Variants in CADPS2 observed in about 807,000 individuals in gnomAD.
CADPS2 encodes the protein calcium dependent secretion activator 2.
A neutral mutation model predicts 172.5 loss-of-function variants in CADPS2; 93 were observed. The observed-to-expected ratio is 0.54, with a 90% CI of 0.46 to 0.64. CADPS2 has a LOEUF of 0.64. CADPS2 is among the 30% of genes least tolerant of loss of function. The pLI, the probability that CADPS2 is intolerant of heterozygous loss-of-function variation, is 0.00. For missense variants in CADPS2, 1,420 were observed against 1,565.9 expected, an observed-to-expected ratio of 0.91 and a Z score of 1.57; for synonymous variants, 546 against 555.2, an observed-to-expected ratio of 0.98 and a Z score of 0.23.
chr7:122,540,311 T>C (rs2062785216), intron 8 of CADPS2, among the ~76,000 whole-genome samples: 1 of 152,132 alleles, frequency 6.6e-6, no homozygotes, highest in African/African-American at 2.4e-5. Context: ...CTTAGTATTA[T>C]AGTAATTTAA....
intron 2 of CADPS2, among the ~76,000 whole-genome samples, chr7:122,667,127 C>T (rs1375442391): frequency 6.6e-6 from 1 of 152,190 alleles, no homozygotes. Context: ...TCACAGTGCA[C>T]TCTAACTGAT....
intron 25 of CADPS2, among the ~76,000 whole-genome samples, chr7:122,374,369 T>C (rs187145648): frequency 1.4e-4 from 21 of 152,000 alleles, no homozygotes; most frequent in African/African-American, 5.1e-4. Flanking sequence ...ACCACTTCTA[T>C]TCAACATAGT....
At chr7:122,459,662 A>G (rs2054216316) in intron 14 of CADPS2, among the ~76,000 whole-genome samples, 2 of 152,234 alleles carry the variant, frequency 1.3e-5, no homozygotes, top group South Asian at 4.1e-4. Flanking sequence ...TGCCATAAAA[A>G]TAATTGCAGT....
intron 2 of CADPS2, among the ~76,000 whole-genome samples, chr7:122,726,265 T>G (rs1472129698): frequency 6.6e-6 from 1 of 152,060 alleles, no homozygotes; most frequent in Non-Finnish European, 1.5e-5. Context: ...TCCCAATAAG[T>G]ACTTTGATAA....
At chr7:122,613,563 A>G (rs775832997) in intron 6 of CADPS2, among the ~76,000 whole-genome samples, 16 of 152,282 alleles carry the variant, frequency 1.1e-4, no homozygotes, top group Admixed American at 2.0e-4. Context: ...ACATGACTGT[A>G]TATAATTCTA....
chr7:122,829,889 G>C (rs1452675081), intron 1 of CADPS2, among the ~76,000 whole-genome samples: 1 of 152,102 alleles, frequency 6.6e-6, no homozygotes, highest in East Asian at 1.9e-4. Context: ...ATTCAAAATA[G>C]CAAATGGGCA....
chr7:122,452,536 C>T (rs929694763), intron 14 of CADPS2, among the ~76,000 whole-genome samples: 4 of 152,120 alleles, frequency 2.6e-5, no homozygotes, highest in African/African-American at 4.8e-5. Flanking sequence ...GCTGGGATTA[C>T]AGGCACCTGT....
intron 9 of CADPS2, among the ~76,000 whole-genome samples, chr7:122,499,631 T>C (rs1288894997): frequency 2.0e-5 from 3 of 152,168 alleles, no homozygotes; most frequent in Non-Finnish European, 4.4e-5. Context: ...AACTTTTATA[T>C]GTATGAGAAA....
In CADPS2 at chr7:122,436,362, GT is replaced by G. The variant is rs1473200081; in HGVS notation, c.2476+1978del. The stretch of plus-strand genomic sequence containing the variant: ...GTGCATGCAGAAATATTAATTACCT[GT>G]TTCCTTTTCTGCTGGGCCTAAAACA... On this transcript the variant is annotated intron_variant, in intron 17 of 29. Coordinates refer to ENST00000449022, the MANE Select transcript of CADPS2 (RefSeq NM_017954.11). 5.2e-5 allele frequency: 66 copies of G among 1,278,690 alleles called. No individual in the cohort carries two copies. In the Admixed American group the frequency reaches 6.4e-4, roughly 12 times the overall value. The allele number at this position is 1,278,690 out of a possible 1,614,324, so 79.2% of individuals were successfully genotyped here.
chr7:122,461,384 C>T (rs1248626062), intron 14 of CADPS2, among the ~76,000 whole-genome samples: 1 of 152,054 alleles, frequency 6.6e-6, no homozygotes, highest in African/African-American at 2.4e-5. Context: ...AAAAGAAATG[C>T]ACACCTATAC....
At chr7:122,390,277 T>C (rs1299887822) in intron 22 of CADPS2, among the ~76,000 whole-genome samples, 1 of 152,048 alleles carries the variant, frequency 6.6e-6, no homozygotes, top group Non-Finnish European at 1.5e-5. Flanking sequence ...GTGAAAGTGT[T>C]GAAAAAAACA....
At chr7:122,614,436 T>C (rs954361031) in intron 6 of CADPS2, among the ~76,000 whole-genome samples, 2 of 152,216 alleles carry the variant, frequency 1.3e-5, no homozygotes, top group Admixed American at 6.5e-5. Flanking sequence ...ATTGGTATTA[T>C]AATAAGGCAA....
chr7:122,445,733 T>C (rs1471500836), intron 15 of CADPS2, among the ~76,000 whole-genome samples: 4 of 152,094 alleles, frequency 2.6e-5, no homozygotes, highest in Admixed American at 6.5e-5. Flanking sequence ...GAGGATCGCT[T>C]GAGCCTGGGA....
At chr7:122,402,517 A>G (rs2046081730) in intron 20 of CADPS2, among the ~76,000 whole-genome samples, 1 of 152,202 alleles carries the variant, frequency 6.6e-6, no homozygotes, top group South Asian at 2.1e-4. Context: ...TTAAACATCG[A>G]AGCATACAAA....
chr7:122,771,202 G>A (rs1381345118), intron 1 of CADPS2, among the ~76,000 whole-genome samples: 1 of 152,202 alleles, frequency 6.6e-6, no homozygotes, highest in East Asian at 1.9e-4. Flanking sequence ...TTAAAGTCTG[G>A]AGAAACATTG....
chr7:122,845,259 G>A (rs1295364929), intron 1 of CADPS2, among the ~76,000 whole-genome samples: 1 of 152,204 alleles, frequency 6.6e-6, no homozygotes, highest in African/African-American at 2.4e-5. Context: ...GTGCTAAGAT[G>A]TGACCCCTGA....
chr7:122,621,546 C>T lies in CADPS2; in HGVS notation c.1039G>A (p.Asp347Asn). 1 of 1,613,778 alleles carries T rather than the reference C, an allele frequency of 6.2e-7. No individual in the cohort carries two copies. Among genetic ancestry groups the T allele is most frequent in the Non-Finnish European group, 8.5e-7 (1 of 1,179,806 alleles). ...LKRSQNSAFL[D>N]IGDENEIQLS... ...TGAATCTCATTCTCATCTCCTATGT[C>T]CAAAAATGCAGAGTTCTGTGAACGT... Residue 347 changes from aspartate (D) to asparagine (N), a missense_variant, in exon 5 of 30, where the codon GAC (aspartate) becomes AAC (asparagine). Coordinates refer to ENST00000449022, the MANE Select transcript of CADPS2 (RefSeq NM_017954.11).
intron 1 of CADPS2, among the ~76,000 whole-genome samples, chr7:122,771,932 T>C (rs2093716130): frequency 6.6e-6 from 1 of 152,128 alleles, no homozygotes; most frequent in Non-Finnish European, 1.5e-5. Context: ...AGATTTGTGT[T>C]AGGGAGAGAA....
intron 4 of CADPS2, among the ~76,000 whole-genome samples, chr7:122,625,053 A>AT (rs35127611): frequency 2.6e-4 from 38 of 147,944 alleles, no homozygotes; most frequent in Admixed American, 6.7e-4. Context: ...ATGATTAATT[A>AT]TTTTTTTTTT....
Sources: gnomAD v4.1 joint callset for allele counts (sites outside exome capture counted in the v4.1 genomes callset) on GRCh38, gnomAD v4.1.1 for gene constraint, MANE v1.5 for transcripts, NCBI Gene and HGNC (gene_info 2026-07-23, HGNC 2026-07-21) for gene names.